Variants in STK32B observed in about 807,000 individuals in gnomAD.
The protein encoded by STK32B is serine/threonine kinase 32B, also known as serine/threonine-protein kinase 32B.
Under a neutral mutation model 52.6 loss-of-function variants are expected in STK32B, and 43 were observed. The ratio of observed to expected loss-of-function variants is 0.82; its 90% confidence interval spans 0.64 to 1.05. STK32B has a LOEUF of 1.05. STK32B is among the 50% of genes least tolerant of loss of function. STK32B has a pLI of 0.00. For missense variants in STK32B, 621 were observed against 534.6 expected (o/e 1.16, Z -1.59); for synonymous variants, 238 against 204.3 (o/e 1.17, Z -1.41).
rs1736745467 is a variant in STK32B at position 5,394,249 on chromosome 4, A to G, written c.435-3958A>G. ...TTATAGCCCTGCATGCGTACTTTCCATCAAAGTGTCATTTTGCCCAACTCT... is the reference window on the plus strand; with the variant it reads ...TTATAGCCCTGCATGCGTACTTTCCGTCAAAGTGTCATTTTGCCCAACTCT... On this transcript the variant is annotated intron_variant, in intron 4 of 11. Transcript: ENST00000282908. This position sits in a 1 kb window ranked among gnomAD's most constrained non-coding sequence, Gnocchi z 4.2. Among the ~76,000 whole-genome samples the G allele has an allele frequency of 6.6e-6, 1 of 152,094 alleles. No individual in the cohort carries two copies. The highest frequency in any genetic ancestry group is 1.5e-5 in the Non-Finnish European group (1 of 68,016).
At chr4:5,490,983 T>C (rs1719684063) in intron 11 of STK32B, among the ~76,000 whole-genome samples, 2 of 152,230 alleles carry the variant, frequency 1.3e-5, no homozygotes, top group African/African-American at 4.8e-5. Flanking sequence ...TTGTTGGACA[T>C]TTGGGTTGGT....
At chr4:5,264,198 A>G (rs960404104) in intron 3 of STK32B, among the ~76,000 whole-genome samples, 8 of 152,212 alleles carry the variant, frequency 5.3e-5, no homozygotes, top group Non-Finnish European at 1.0e-4. Context: ...TTGTTTGGGT[A>G]TAGAGTAAGC....
intron 11 of STK32B, among the ~76,000 whole-genome samples, chr4:5,498,179 A>G (rs79498631): frequency 1.3e-5 from 2 of 152,208 alleles, no homozygotes; most frequent in Non-Finnish European, 2.9e-5. Flanking sequence ...CTGCCTCCTT[A>G]AACGTCTCCA....
chr4:5,160,637 A>G (rs1216053783), intron 2 of STK32B, among the ~76,000 whole-genome samples: 1 of 152,174 alleles, frequency 6.6e-6, no homozygotes, highest in Non-Finnish European at 1.5e-5. Context: ...TCTAAATAGT[A>G]ATGACTCATT....
intron 11 of STK32B, among the ~76,000 whole-genome samples, chr4:5,487,364 G>A (rs1045197523): frequency 9.2e-5 from 14 of 152,216 alleles, no homozygotes; most frequent in African/African-American, 2.9e-4. Flanking sequence ...GCATCACAAA[G>A]ATTGGAGAGG....
At chr4:5,317,522 TTA>T (rs1250778694) in intron 3 of STK32B, among the ~76,000 whole-genome samples, 3 of 109,084 alleles carry the variant, frequency 2.8e-5, no homozygotes, top group Non-Finnish European at 4.9e-5. Flanking sequence ...AATATATTTA[TTA>T]TATATATATT....
At chr4:5,252,771 T>G (rs1252827663) in intron 3 of STK32B, among the ~76,000 whole-genome samples, 1 of 152,080 alleles carries the variant, frequency 6.6e-6, no homozygotes, top group African/African-American at 2.4e-5. Flanking sequence ...AGCCTATGCT[T>G]TGGTTTTCCC....
At chr4:5,325,985 A>G (rs1731848981) in intron 3 of STK32B, among the ~76,000 whole-genome samples, 1 of 152,204 alleles carries the variant, frequency 6.6e-6, no homozygotes, top group Admixed American at 6.5e-5. Context: ...CTGGTGAAGA[A>G]TGTGGATCTG....
intron 3 of STK32B, among the ~76,000 whole-genome samples, chr4:5,289,288 G>T (rs1323310987): frequency 1.3e-5 from 2 of 152,148 alleles, no homozygotes; most frequent in Non-Finnish European, 2.9e-5. Context: ...ACCTGTATAA[G>T]TTACTTACCG....
rs751255447 is a variant in STK32B at position 5,395,663 on chromosome 4, C to A, written c.435-2544C>A. On this transcript the variant is annotated intron_variant, in intron 4 of 11. Coordinates refer to ENST00000282908, the MANE Select transcript of STK32B (RefSeq NM_018401.3). This position sits in a 1 kb window ranked among gnomAD's most constrained non-coding sequence, Gnocchi z 4.4. ...CCTTCATGACCGCAAAGGGGACACCCCCGTAAATGCTTGAGATTCCACTCT... is the reference window on the plus strand; with the variant it reads ...CCTTCATGACCGCAAAGGGGACACCACCGTAAATGCTTGAGATTCCACTCT... Among the ~76,000 whole-genome samples the A allele has an allele frequency of 3.3e-5, 5 of 152,198 alleles. No homozygotes were observed. Among genetic ancestry groups the A allele is most frequent in the Non-Finnish European group, 5.9e-5 (4 of 68,042 alleles).
chr4:5,172,792 A>C (rs538285535), intron 3 of STK32B, among the ~76,000 whole-genome samples: 2 of 152,178 alleles, frequency 1.3e-5, no homozygotes, highest in African/African-American at 2.4e-5. Context: ...TGTCTCTGCC[A>C]GGCTTTGGTA....
At chr4:5,177,879 G>T (rs1720047069) in intron 3 of STK32B, among the ~76,000 whole-genome samples, 1 of 152,236 alleles carries the variant, frequency 6.6e-6, no homozygotes, top group African/African-American at 2.4e-5. Flanking sequence ...GGGCAGCTCT[G>T]CCTCTGTGGC....
chr4:5,151,493 G>T (rs550469742), intron 2 of STK32B, among the ~76,000 whole-genome samples: 3 of 152,348 alleles, frequency 2.0e-5, no homozygotes, highest in African/African-American at 4.8e-5. Context: ...TATCAGGAAA[G>T]AACACATGTG....
intron 11 of STK32B, among the ~76,000 whole-genome samples, chr4:5,494,697 G>A (rs1048214281): frequency 3.3e-5 from 5 of 152,148 alleles, no homozygotes; most frequent in African/African-American, 1.2e-4. Context: ...TTGGCATGAT[G>A]TTGCAGTGGC....
chr4:5,242,829 T>C lies in STK32B; in HGVS notation c.260+74379T>C, dbSNP rs2108819554. On this transcript the variant is annotated intron_variant, in intron 3 of 11. Transcript: ENST00000282908. ...AGTTTTCCCAGCACCATTTATTAAA[T>C]AGAGAATCCTTTCCCCATTGCTTGT... is the stretch of plus-strand genomic sequence containing the variant. Among the ~76,000 whole-genome samples, 2 of 152,326 alleles carry C rather than the reference T, an allele frequency of 1.3e-5. 1 individual carries two copies. The highest frequency in any genetic ancestry group is 6.8e-3 in the Middle Eastern group (2 of 294).
At chr4:5,419,415 G>C (rs74567673) in intron 6 of STK32B, among the ~76,000 whole-genome samples, 2,830 of 152,248 alleles carry the variant, frequency 0.019, 92 homozygotes, top group African/African-American at 0.063. Context: ...AGGAGTTGTG[G>C]CTGGGTGGAT....
chr4:5,395,634 G>A lies in STK32B; in HGVS notation c.435-2573G>A, dbSNP rs750814539. Among the ~76,000 whole-genome samples, 24 of 152,190 alleles carry A rather than the reference G, an allele frequency of 1.6e-4. No homozygotes were observed. Among genetic ancestry groups the A allele is most frequent in the Non-Finnish European group, 3.5e-4 (24 of 68,044 alleles). On this transcript the variant is annotated intron_variant, in intron 4 of 11. Transcript: ENST00000282908. The surrounding 1 kb of genome is among the most constrained non-coding windows in gnomAD (Gnocchi z 4.4). ...CAGTTGGGTCTGTCTTGTTCACGAC[G>A]TGTCCTTCATGACCGCAAAGGGGAC...
the STK32B span, among the ~76,000 whole-genome samples, chr4:5,029,158 T>A: frequency 2.0e-5 from 3 of 152,120 alleles, no homozygotes; most frequent in Non-Finnish European, 4.4e-5. Context: ...GAGACACAGA[T>A]CCTAACCATA....
At chr4:5,440,577 C>G (rs1269387428) in intron 6 of STK32B, among the ~76,000 whole-genome samples, 1 of 152,146 alleles carries the variant, frequency 6.6e-6, no homozygotes, top group Admixed American at 6.5e-5. Flanking sequence ...TTCTCTTTTC[C>G]TAATTGAATA....
Sources: allele counts gnomAD v4.1 joint callset (sites outside exome capture counted in the v4.1 genomes callset), GRCh38; gene constraint gnomAD v4.1.1; non-coding constraint Gnocchi (gnomAD v3.1); transcripts MANE v1.5; gene names NCBI Gene and HGNC (gene_info 2026-07-23, HGNC 2026-07-21).